FHIT: variants seen among roughly 807,000 people sequenced by gnomAD.
The protein encoded by FHIT is bis(5'-adenosyl)-triphosphatase.
Under a neutral mutation model 17.9 loss-of-function variants are expected in FHIT, and 19 were observed. The observed-to-expected ratio is 1.06, with a 90% CI of 0.74 to 1.56. FHIT has a LOEUF of 1.56. Among genes scored for constraint, FHIT ranks in the 40% most tolerant of loss-of-function variants. The pLI, the probability that FHIT is intolerant of heterozygous loss-of-function variation, is 0.00. For missense variants in FHIT, 248 were observed against 189.2 expected (o/e 1.31, Z -1.82); for synonymous variants, 81 against 69.7 (o/e 1.16, Z -0.81).
chr3:60,478,342 C>T (rs777788570), intron 5 of FHIT, among the ~76,000 whole-genome samples: 10 of 152,226 alleles, frequency 6.6e-5, no homozygotes, highest in Non-Finnish European at 1.2e-4. Flanking sequence ...GCCAATGTAT[C>T]GGGGAATAAT....
At chr3:60,033,095 G>A (rs1241983092) in intron 5 of FHIT, among the ~76,000 whole-genome samples, 1 of 152,118 alleles carries the variant, frequency 6.6e-6, no homozygotes, top group Admixed American at 6.5e-5. Flanking sequence ...CTAATATAAG[G>A]TGTGGATCTT....
Position 60,280,163 on chromosome 3 carries a change from T to C in FHIT, c.103+256697A>G, listed in dbSNP as rs150666981. 2.8e-3 allele frequency among the ~76,000 whole-genome samples: 415 copies of C among 150,256 alleles called. 1 individual carries two copies. Among genetic ancestry groups the C allele is most frequent in the African/African-American group, 9.5e-3 (387 of 40,656 alleles). ...CAGATACAGAAAAGCACTGACAAAA[T>C]CCCACACTCATTTATGAGTAGAAAC... On this transcript the variant is annotated intron_variant, in intron 5 of 9. Coordinates refer to ENST00000492590, the MANE Select transcript of FHIT (RefSeq NM_002012.4).
chr3:61,114,388 T>A (rs1439127885), intron 2 of FHIT, among the ~76,000 whole-genome samples: 2 of 152,196 alleles, frequency 1.3e-5, no homozygotes, highest in East Asian at 3.8e-4. Flanking sequence ...CTACTGTGAT[T>A]TATTGGCAGC....
intron 5 of FHIT, among the ~76,000 whole-genome samples, chr3:60,327,281 T>C (rs1234464592): frequency 2.0e-5 from 3 of 152,232 alleles, no homozygotes; most frequent in Non-Finnish European, 4.4e-5. Context: ...TGACAGAGGA[T>C]GCCCACCTTA....
chr3:60,170,596 T>A (rs1022482211), intron 5 of FHIT, among the ~76,000 whole-genome samples: 3 of 152,174 alleles, frequency 2.0e-5, no homozygotes, highest in Non-Finnish European at 4.4e-5. Context: ...TCAATAATTT[T>A]TTTAATGATT....
chr3:61,007,298 C>G (rs2031516404), intron 3 of FHIT, among the ~76,000 whole-genome samples: 1 of 152,190 alleles, frequency 6.6e-6, no homozygotes, highest in African/African-American at 2.4e-5. Context: ...CCCCCAGACA[C>G]TCTGCATAAC....
At chr3:60,501,441 G>A (rs144070493) in intron 5 of FHIT, among the ~76,000 whole-genome samples, 3 of 151,944 alleles carry the variant, frequency 2.0e-5, no homozygotes, top group Non-Finnish European at 2.9e-5. Flanking sequence ...CCACATTTAC[G>A]CCAGCTCTTC....
chr3:60,836,663 C>T (rs1702551450), intron 3 of FHIT, among the ~76,000 whole-genome samples: 1 of 152,052 alleles, frequency 6.6e-6, no homozygotes, highest in South Asian at 2.1e-4. Context: ...GTCCAGATGC[C>T]CACTGTTTAC....
At chr3:60,679,800 T>C (rs1311327814) in intron 4 of FHIT, among the ~76,000 whole-genome samples, 1 of 152,142 alleles carries the variant, frequency 6.6e-6, no homozygotes. Context: ...ATTTGCCAAC[T>C]AGCTGAAAAT....
chr3:60,553,531 AGAGG>A (rs1333200423), intron 4 of FHIT: 15 of 168,112 alleles, frequency 8.9e-5, no homozygotes, highest in Admixed American at 1.4e-4. Flanking sequence ...AGAGAGAGAG[AGAGG>A]GAGAGAGAGA....
intron 2 of FHIT, among the ~76,000 whole-genome samples, chr3:61,090,791 C>G (rs2035457616): frequency 6.6e-6 from 1 of 152,122 alleles, no homozygotes; most frequent in Non-Finnish European, 1.5e-5. Flanking sequence ...CGTTTTTCCC[C>G]TTTTTTGTCA....
intron 1 of FHIT, among the ~76,000 whole-genome samples, chr3:61,208,170 G>A (rs1403636392): frequency 1.3e-5 from 2 of 152,128 alleles, no homozygotes; most frequent in Non-Finnish European, 1.5e-5. Context: ...TTGCACTGTG[G>A]TCTGAGAGAC....
At chr3:61,106,367 T>C (rs1181629239) in intron 2 of FHIT, among the ~76,000 whole-genome samples, 1 of 152,140 alleles carries the variant, frequency 6.6e-6, no homozygotes, top group Non-Finnish European at 1.5e-5. Context: ...GCATTATTAT[T>C]ATTAACTGTA....
chr3:60,539,666 T>A (rs1436316271), intron 4 of FHIT, among the ~76,000 whole-genome samples: 2 of 152,072 alleles, frequency 1.3e-5, no homozygotes, highest in African/African-American at 2.4e-5. Flanking sequence ...CTGGAAACCA[T>A]CATTCTCAGC....
chr3:60,826,069 A>C lies in FHIT; in HGVS notation c.-110-4058T>G, dbSNP rs193112850. On this transcript the variant is annotated intron_variant, in intron 3 of 9. Coordinates refer to ENST00000492590, the MANE Select transcript of FHIT (RefSeq NM_002012.4). The stretch of plus-strand genomic sequence containing the variant: ...TGGGATAGTGAGAGTACAGATGATC[A>C]TTACACTAGTTTTTGTGCTCATCTG... Among the ~76,000 whole-genome samples the C allele has an allele frequency of 7.2e-5, 11 of 152,136 alleles. 1 individual carries two copies. Among genetic ancestry groups the C allele is most frequent in the African/African-American group, 2.6e-4 (11 of 41,522 alleles).
chr3:60,703,056 G>T (rs1010021585), intron 4 of FHIT, among the ~76,000 whole-genome samples: 2 of 152,156 alleles, frequency 1.3e-5, no homozygotes, highest in Non-Finnish European at 2.9e-5. Flanking sequence ...TTAGATTACA[G>T]TAATTAGAGG....
At chr3:60,787,084 T>C (rs1447723217) in intron 4 of FHIT, among the ~76,000 whole-genome samples, 1 of 151,894 alleles carries the variant, frequency 6.6e-6, no homozygotes, top group Admixed American at 6.6e-5. Flanking sequence ...TATTGTGTGA[T>C]ATATTATTTT....
At chr3:60,744,329 T>A (rs1207872657) in intron 4 of FHIT, among the ~76,000 whole-genome samples, 3 of 147,494 alleles carry the variant, frequency 2.0e-5, no homozygotes, top group Non-Finnish European at 4.5e-5. Flanking sequence ...AAGAATTCCA[T>A]CTCTCCTTGC....
intron 8 of FHIT, among the ~76,000 whole-genome samples, chr3:59,881,763 A>G (rs1169709497): frequency 1.3e-5 from 2 of 152,202 alleles, no homozygotes; most frequent in Non-Finnish European, 2.9e-5. Context: ...GAGTTTAAAG[A>G]TCTTTGCCTG....
Sources: gnomAD v4.1 joint callset for allele counts (sites outside exome capture counted in the v4.1 genomes callset) on GRCh38, gnomAD v4.1.1 for gene constraint, MANE v1.5 for transcripts, NCBI Gene and HGNC (gene_info 2026-07-23, HGNC 2026-07-21) for gene names.